CFAP65: variants seen among roughly 807,000 people sequenced by gnomAD.
CFAP65 encodes the protein cilia- and flagella-associated protein 65.
Under a neutral mutation model 208.0 loss-of-function variants are expected in CFAP65, and 155 were observed. That is an observed-to-expected ratio of 0.75 (90% confidence interval 0.65 to 0.85). The LOEUF (loss-of-function observed/expected upper bound fraction) is 0.85. CFAP65 is among the 40% of genes least tolerant of loss of function. CFAP65 has a pLI of 0.00. For synonymous variants in CFAP65, 970 were observed against 986.3 expected (o/e 0.98, Z 0.31); for missense variants, 2,294 against 2,451.3 (o/e 0.94, Z 1.36).
chr2:219,033,852 A>T (rs1046210350), intron 5 of CFAP65: 2 of 152,236 alleles, frequency 1.3e-5, no homozygotes, highest in Non-Finnish European at 2.9e-5. Flanking sequence ...TCCATTTAAA[A>T]TACAAATGTG....
At chr2:219,017,524 T>C (rs1293318224) in intron 21 of CFAP65, among the ~76,000 whole-genome samples, 1 of 152,158 alleles carries the variant, frequency 6.6e-6, no homozygotes, top group Admixed American at 6.5e-5. Context: ...TGAAAGGAAA[T>C]ACAACAACAA....
chr2:219,016,174 T>C (rs1946867156), intron 21 of CFAP65, among the ~76,000 whole-genome samples: 1 of 152,136 alleles, frequency 6.6e-6, no homozygotes. Flanking sequence ...ACTGTTGTCA[T>C]TTTATTGTGG....
chr2:219,009,138 A>G lies in CFAP65; in HGVS notation c.4583T>C (p.Leu1528Pro), dbSNP rs1479299059. ...DLVCKLYSQQLMRQYHKELQE... is the reference protein window; with the variant it reads ...DLVCKLYSQQPMRQYHKELQE... ...CAGCTCCTTGTGATACTGCCTCATG[A>G]GCTGCTGCGAGTACAGCTATGGCCC... The change falls in exon 29 of 35, where the codon CTC becomes CCC. Residue 1528 changes from leucine (L) to proline (P), a missense_variant. By Grantham distance (98) the Leu-to-Pro change is moderately conservative (BLOSUM62 -3). Transcript: ENST00000341552. 4 of 1,612,686 alleles carry G rather than the reference A, an allele frequency of 2.5e-6. No homozygotes were observed. The highest frequency in any genetic ancestry group is 1.7e-5 in the Admixed American group (1 of 60,006).
chr2:219,030,250 C>T (rs751022320), intron 9 of CFAP65, 42 bp from the exon 10 acceptor site: 2 of 1,586,648 alleles, frequency 1.3e-6, no homozygotes, highest in Admixed American at 3.3e-5. Flanking sequence ...GGTCACAGAG[C>T]AGAGCACTGT....
Position 219,009,452 on chromosome 2 carries a change from C to T in CFAP65, c.4461G>A (p.Val1487=), listed in dbSNP as rs1316722293. 1 of 1,610,190 alleles carries T rather than the reference C, an allele frequency of 6.2e-7. No individual in the cohort carries two copies. The highest frequency in any genetic ancestry group is 1.3e-5 in the African/African-American group (1 of 74,818). ...PSPLDFGEVS[V]SPMIGVVAPE... ...GAGCCACCACCCCTATCATGGGACT[C>T]ACAGACACCTGTTGATTTGGGGAAG... The change falls in exon 28 of 35, where the codon GTG becomes GTA. Residue 1487 remains valine (V), a synonymous_variant. Coordinates refer to ENST00000341552, the MANE Select transcript of CFAP65 (RefSeq NM_194302.4).
intron 9 of CFAP65, 83 bp from the exon 10 acceptor site, chr2:219,030,291 G>T: frequency 7.0e-7 from 1 of 1,427,488 alleles, no homozygotes; most frequent in Non-Finnish European, 9.8e-7. Flanking sequence ...TTGTACTGGC[G>T]TGCCTAGCCA....
Position 219,003,295 on chromosome 2 carries a change from A to C in CFAP65, c.5556-23T>G, listed in dbSNP as rs956756509. The C allele has an allele frequency of 1.3e-6, 2 of 1,504,130 alleles. No individual in the cohort carries two copies. Among genetic ancestry groups the C allele is most frequent in the African/African-American group, 2.8e-5 (2 of 71,316 alleles). 93.2% of individuals were successfully genotyped at this position (1,504,130 alleles called of 1,614,324 possible). A position where few individuals can be genotyped will look rare whatever the true frequency, so the allele number is the denominator to read the frequency against. ...AGCCTGCGAGGGGGCGGGGGCTAGC[A>C]TGAGGGCGGCCGCAGTGCCCGCGCG... On this transcript the variant is annotated intron_variant, in intron 33 of 34. Coordinates refer to ENST00000341552, the MANE Select transcript of CFAP65 (RefSeq NM_194302.4). This position sits in a 1 kb window ranked among gnomAD's most constrained non-coding sequence, Gnocchi z 4.4.
Position 219,019,121 on chromosome 2 carries a change from C to T in CFAP65, c.3532G>A (p.Ala1178Thr), listed in dbSNP as rs370571954. 52 of 1,613,984 alleles carry T rather than the reference C, an allele frequency of 3.2e-5. No individual in the cohort carries two copies. Among genetic ancestry groups the T allele is most frequent in the East Asian group, 1.8e-4 (8 of 44,898 alleles). ...ACGGAAGGTGGGGCCTTGAATGGTG[C>T]GGCCCCGAAATTGAAGTCAAGCCTT... ...PLRLDFNFGA[A>T]PFKAPPSVVF... Residue 1178 changes from alanine to threonine, a missense_variant, in exon 21 of 35, where the codon GCA becomes ACA. Coordinates refer to ENST00000341552, the MANE Select transcript of CFAP65 (RefSeq NM_194302.4).
chr2:219,027,677 C>T lies in CFAP65; in HGVS notation c.2184G>A (p.Val728=). 6.2e-7 allele frequency: 1 copy of T among 1,614,008 alleles called. No homozygotes were observed. The highest frequency in any genetic ancestry group is 8.5e-7 in the Non-Finnish European group (1 of 1,180,032). ...TATAGATGGCGAAGGCTTCGAGCTC[C>T]ACCGTGTAAAGGCAGTTGGGGTGAG... ...QPPHPNCLYT[V]ELEAFAIYKV... is the part of the protein sequence containing the mutation. The change falls in exon 13 of 35, where the codon GTG becomes GTA. Residue 728 remains valine (V), a synonymous_variant. Transcript: ENST00000341552.
At chr2:219,039,129 T>G (rs556123007) in intron 2 of CFAP65, 79 bp from the exon 3 acceptor site, 19 of 1,243,872 alleles carry the variant, frequency 1.5e-5, no homozygotes, top group Non-Finnish European at 2.1e-5. Flanking sequence ...TGAAATCATA[T>G]GCAAATATAT....
chr2:219,031,443 C>T lies in CFAP65; in HGVS notation c.815+46G>A. 2 of 1,613,644 alleles carry T rather than the reference C, an allele frequency of 1.2e-6. No homozygotes were observed. Among genetic ancestry groups the T allele is most frequent in the Non-Finnish European group, 1.7e-6 (2 of 1,179,730 alleles). On this transcript the variant is annotated intron_variant, in intron 7 of 34. Transcript: ENST00000341552. This position sits in a 1 kb window ranked among gnomAD's most constrained non-coding sequence, Gnocchi z 5.2. ...TGTCTCTCCTGCTTCCAGACACCCTCCTCACAGCTCTTGCTCTCCCCGCCG... is the reference window on the plus strand; with the variant it reads ...TGTCTCTCCTGCTTCCAGACACCCTTCTCACAGCTCTTGCTCTCCCCGCCG...
At chr2:219,038,816 C>A (rs963776908) in intron 3 of CFAP65, 80 bp downstream of exon 3, 1 of 1,480,356 alleles carries the variant, frequency 6.8e-7, no homozygotes, top group African/African-American at 1.4e-5. Context: ...GGACAAGGCC[C>A]ACCCCACTAG....
intron 20 of CFAP65, 142 bp from the exon 21 acceptor site, chr2:219,019,321 T>C (rs1947119020): frequency 8.3e-7 from 1 of 1,202,556 alleles, no homozygotes; most frequent in African/African-American, 1.5e-5. Flanking sequence ...GGGCTGGCTC[T>C]TCAGACCTCA....
chr2:219,022,188 G>C lies in CFAP65; in HGVS notation c.2962C>G (p.Leu988Val). Reference protein sequence around the residue: ...HYMLRLVGVGLTSSLSAKEKE... With the variant: ...HYMLRLVGVGVTSSLSAKEKE... The stretch of plus-strand genomic sequence containing the variant: ...CCACTCACAGAGAGGCTGCTGGTGA[G>C]CCCAACGCCCACCAGCCGGAGCATG... Residue 988 changes from leucine (L) to valine (V), a missense_variant, in exon 17 of 35, where the codon CTC (leucine) becomes GTC (valine). Transcript: ENST00000341552. 1.2e-6 allele frequency: 2 copies of C among 1,600,594 alleles called. No individual in the cohort carries two copies. The highest frequency in any genetic ancestry group is 2.2e-5 in the South Asian group (2 of 89,118).
Position 219,006,201 on chromosome 2 carries a change from T to C in CFAP65, c.4742A>G (p.Gln1581Arg). The C allele has an allele frequency of 1.2e-6, 2 of 1,608,252 alleles. No individual in the cohort carries two copies. The highest frequency in any genetic ancestry group is 1.7e-6 in the Non-Finnish European group (2 of 1,175,602). Residue 1581 changes from glutamine to arginine, a missense_variant, in exon 31 of 35, where the codon CAG (glutamine) becomes CGG (arginine). Physicochemically the swap from Gln to Arg is conservative, Grantham distance 43 (BLOSUM62 1). Around this residue, in one of 2 missense-constraint regions of CFAP65, gnomAD observed 1,427 missense variants for 1,438.7 expected, o/e 0.99. Transcript: ENST00000341552. ...GCTGGCAGGCCGGCTGACAGACTGC[T>C]GGTTCTTGATGGGAGGCAGTGTCTT... ...KYKTLPPIKN[Q>R]QSVSRPASWK...
Position 219,010,555 on chromosome 2 carries a change from C to A in CFAP65, c.4299G>T (p.Val1433=), listed in dbSNP as rs143613304. 6.2e-7 allele frequency: 1 copy of A among 1,609,622 alleles called. No individual in the cohort carries two copies. Among genetic ancestry groups the A allele is most frequent in the African/African-American group, 1.3e-5 (1 of 74,774 alleles). ...DNSSIHSRLV[V]PGQNVFLSQS... ...GCTCCCCTTTCCCCACCTGTCCAGG[C>A]ACCACCAGCCTAGAGTGTATGGAAC... Residue 1433 remains valine (V), a synonymous_variant, in exon 26 of 35, where the codon GTG becomes GTT. Transcript: ENST00000341552.
At position 219,030,650 on chromosome 2, in the gene CFAP65, G is replaced by C. The variant is rs369212616; in HGVS notation, c.1161+39C>G. The C allele has an allele frequency of 2.5e-6, 4 of 1,597,090 alleles. No homozygotes were observed. The South Asian group carries it at 4.5e-5, about 18-fold the overall frequency. On this transcript the variant is annotated intron_variant, in intron 9 of 34. Coordinates refer to ENST00000341552, the MANE Select transcript of CFAP65 (RefSeq NM_194302.4). The stretch of plus-strand genomic sequence containing the variant: ...GTGATTTTAGGAAATTCCAATCCTG[G>C]GGGCGTGAGTCCTGCCGCCCCTCCT...
At chr2:219,038,336 T>C (rs1948482296) in intron 4 of CFAP65, 39 bp downstream of exon 4, 12 of 1,596,574 alleles carry the variant, frequency 7.5e-6, no homozygotes, top group Non-Finnish European at 1.0e-5. Flanking sequence ...GCCCTGGCCC[T>C]GCCACACCCT....
In CFAP65 at chr2:219,041,487, C is replaced by T; in HGVS notation, c.-49+1G>A. ...CCTTGGGACTAACGCTCAGAACTTA[C>T]ATCGCCTCCATATTGCCGTCTCCAT... On this transcript the variant is annotated splice_donor_variant, in intron 1 of 34. Transcript: ENST00000341552. LOFTEE classifies it low-confidence loss of function (5UTR_SPLICE). 1 of 1,550,614 alleles carries T rather than the reference C, an allele frequency of 6.4e-7. No homozygotes were observed. The highest frequency in any genetic ancestry group is 8.7e-7 in the Non-Finnish European group (1 of 1,146,994).
Sources: gnomAD v4.1 joint callset for allele counts (sites outside exome capture counted in the v4.1 genomes callset) on GRCh38, gnomAD v4.1.1 for gene constraint, gnomAD v4.1.1 regional missense constraint, Gnocchi (gnomAD v3.1) non-coding constraint, MANE v1.5 for transcripts, NCBI Gene and HGNC (gene_info 2026-07-23, HGNC 2026-07-21) for gene names.